BTBD1: variants seen among roughly 807,000 people sequenced by gnomAD.
BTBD1 encodes BTB domain containing 1.
BTBD1 carries 34 observed loss-of-function variants against 48.0 expected under a neutral mutation model. The ratio of observed to expected loss-of-function variants is 0.71; its 90% CI spans 0.54 to 0.94. The LOEUF is 0.94. Ranked by LOEUF, BTBD1 falls within the 40% of genes least tolerant of loss-of-function variation. The probability of loss-of-function intolerance (pLI) is 0.00; values close to 1 mark genes in which losing one functional copy is unlikely to be tolerated. For missense variants in BTBD1, 543 were observed against 625.6 expected, an observed-to-expected ratio of 0.87 and a Z score of 1.41; for synonymous variants, 261 against 242.1, an observed-to-expected ratio of 1.08 and a Z score of -0.72.
intron 4 of BTBD1, among the ~76,000 whole-genome samples, chr15:83,040,571 A>T (rs1014759528): frequency 6.6e-6 from 1 of 151,696 alleles, no homozygotes; most frequent in African/African-American, 2.4e-5. Flanking sequence ...GTGGCGGTGC[A>T]CGCCTGTAAT....
At chr15:83,047,288 G>T (rs2032898904) in intron 3 of BTBD1, among the ~76,000 whole-genome samples, 1 of 152,198 alleles carries the variant, frequency 6.6e-6, no homozygotes, top group Non-Finnish European at 1.5e-5. Context: ...AATTAAGTAG[G>T]TCTGAAGTCT....
chr15:83,044,827 C>G, intron 3 of BTBD1: 1 of 1,017,078 alleles, frequency 9.8e-7, no homozygotes, highest in Non-Finnish European at 1.5e-6. Flanking sequence ...AAGCTCAGTT[C>G]AATGAGCAAA....
chr15:83,050,043 A>C (rs2032947286), intron 3 of BTBD1, 30 bp downstream of exon 3: 1 of 1,406,208 alleles, frequency 7.1e-7, no homozygotes, highest in Non-Finnish European at 1.0e-6. Context: ...TGTACTTAAA[A>C]TGTAACAATT....
chr15:83,023,744 G>C (rs1177557576), intron 5 of BTBD1, among the ~76,000 whole-genome samples: 2 of 152,130 alleles, frequency 1.3e-5, no homozygotes, highest in African/African-American at 4.8e-5. Context: ...TTTCTGGAAA[G>C]ATAACATTTT....
chr15:83,032,986 A>AAAAAAC (rs1555439417), intron 4 of BTBD1, among the ~76,000 whole-genome samples: 5 of 151,488 alleles, frequency 3.3e-5, no homozygotes, highest in African/African-American at 1.2e-4. Flanking sequence ...AAAAAAAAAA[A>AAAAAAC]AACAGAATAG....
chr15:83,044,857 C>A (rs1012381293), intron 3 of BTBD1: 2 of 788,914 alleles, frequency 2.5e-6, no homozygotes, highest in South Asian at 3.0e-5. Flanking sequence ...TGTTTTTTTT[C>A]ATTACTGTGT....
intron 3 of BTBD1, among the ~76,000 whole-genome samples, chr15:83,047,431 G>A (rs1567109854): frequency 6.6e-6 from 1 of 151,986 alleles, no homozygotes; most frequent in Non-Finnish European, 1.5e-5. Context: ...GGGGGAGAAT[G>A]GTAGGAGACA....
chr15:83,055,823 C>T (rs549463070), intron 2 of BTBD1, among the ~76,000 whole-genome samples: 1 of 152,294 alleles, frequency 6.6e-6, no homozygotes, highest in East Asian at 1.9e-4. Context: ...AGAAACAATA[C>T]TGGATCTCAA....
intron 1 of BTBD1, among the ~76,000 whole-genome samples, chr15:83,057,635 A>T (rs1438811736): frequency 6.6e-6 from 1 of 152,162 alleles, no homozygotes; most frequent in African/African-American, 2.4e-5. Flanking sequence ...TCTCCACAGC[A>T]CCATGTGCTG....
intron 1 of BTBD1, among the ~76,000 whole-genome samples, chr15:83,065,325 G>A (rs2033245796): frequency 6.6e-6 from 1 of 152,128 alleles, no homozygotes; most frequent in Non-Finnish European, 1.5e-5. Flanking sequence ...TTAATGGAAG[G>A]AAAAAATACC....
intron 4 of BTBD1, among the ~76,000 whole-genome samples, chr15:83,037,037 T>C (rs1431265862): frequency 6.6e-6 from 1 of 152,036 alleles, no homozygotes; most frequent in African/African-American, 2.4e-5. Flanking sequence ...ATTTCAAAAG[T>C]TTATTTAAAA....
In BTBD1 at chr15:83,050,661, G is replaced by A. The variant is rs181662930; in HGVS notation, c.559-483C>T. Among the ~76,000 whole-genome samples the A allele has an allele frequency of 1.9e-3, 291 of 152,148 alleles. 2 individuals carry two copies. Among genetic ancestry groups the A allele is most frequent in the African/African-American group, 6.4e-3 (265 of 41,506 alleles). On this transcript the variant is annotated intron_variant, in intron 2 of 7. Transcript: ENST00000261721. The stretch of plus-strand genomic sequence containing the variant: ...CACTAATTATAATATCAATTGTCAA[G>A]CACAACAGTGCAAATATCAGATTTT...
intron 5 of BTBD1, among the ~76,000 whole-genome samples, chr15:83,026,969 CGTGTGTGT>C (rs71156067): frequency 6.0e-5 from 9 of 150,160 alleles, no homozygotes; most frequent in African/African-American, 2.2e-4. Context: ...AGGGGAAATA[CGTGTGTGT>C]GTGTGTGTGT....
intron 4 of BTBD1, among the ~76,000 whole-genome samples, chr15:83,035,629 T>C (rs1372596619): frequency 6.6e-6 from 1 of 151,968 alleles, no homozygotes; most frequent in Non-Finnish European, 1.5e-5. Context: ...AGAATATAGG[T>C]TGACCTTCTA....
chr15:83,033,382 A>C (rs2032561651), intron 4 of BTBD1, among the ~76,000 whole-genome samples: 1 of 152,190 alleles, frequency 6.6e-6, no homozygotes, highest in Non-Finnish European at 1.5e-5. Flanking sequence ...ACAGAAAAAA[A>C]TGAAGATAAC....
chr15:83,053,990 T>C (rs2151311933), intron 2 of BTBD1, among the ~76,000 whole-genome samples: 1 of 152,338 alleles, frequency 6.6e-6, no homozygotes, highest in Middle Eastern at 3.4e-3. Context: ...TGCTGTCTAG[T>C]GTAATAAGAC....
intron 4 of BTBD1, chr15:83,030,819 G>A (rs755166047): frequency 6.6e-6 from 1 of 152,160 alleles, no homozygotes; most frequent in African/African-American, 2.4e-5. Context: ...AATCAGCAGA[G>A]CAAACAGACA....
At chr15:83,034,090 CAAAAAAAAAAAA>C (rs748026027) in intron 4 of BTBD1, among the ~76,000 whole-genome samples, 7 of 67,196 alleles carry the variant, frequency 1.0e-4, no homozygotes, top group Non-Finnish European at 1.5e-4. Flanking sequence ...CTGTCTACAC[CAAAAAAAAAAAA>C]AAAAAGAAAA....
In BTBD1 at chr15:83,018,045, C is replaced by T. The variant is rs769042541; in HGVS notation, c.*22G>A. On this transcript the variant is annotated 3_prime_UTR_variant, in exon 8 of 8. Transcript: ENST00000261721. Reference sequence around the variant, plus strand: ...ACTAGATTGTATGGTATTATTTAGCCAAGATGTATTATAATGCTAAATTAT... The same window carrying T: ...ACTAGATTGTATGGTATTATTTAGCTAAGATGTATTATAATGCTAAATTAT... 3 of 1,537,938 alleles carry T rather than the reference C, an allele frequency of 2.0e-6. No homozygotes were observed. Among genetic ancestry groups the T allele is most frequent in the East Asian group, 2.3e-5 (1 of 43,646 alleles).
Sources: allele counts gnomAD v4.1 joint callset (sites outside exome capture counted in the v4.1 genomes callset), GRCh38; gene constraint gnomAD v4.1.1; transcripts MANE v1.5; gene names NCBI Gene and HGNC (gene_info 2026-07-23, HGNC 2026-07-21).